The following NPAT variants were observed in gnomAD, a reference collection of about 807,000 sequenced individuals.
NPAT encodes protein NPAT.
In NPAT, 52 loss-of-function variants were observed where a neutral mutation model predicts 130.7. That is an observed-to-expected ratio of 0.40 (90% CI 0.32 to 0.50). The LOEUF is 0.50. NPAT is among the 20% of genes least tolerant of loss of function. The pLI, the probability that NPAT is intolerant of heterozygous loss-of-function variation, is 0.68. For missense variants in NPAT, 1,687 were observed against 1,662.6 expected, an observed-to-expected ratio of 1.01 and a Z score of -0.26; for synonymous variants, 580 against 584.8, an observed-to-expected ratio of 0.99 and a Z score of 0.12.
intron 1 of NPAT, 29 bp downstream of exon 1, chr11:108,222,471 A>T (rs773550815): frequency 1.2e-6 from 2 of 1,612,844 alleles, no homozygotes; most frequent in Non-Finnish European, 1.7e-6. Flanking sequence ...GCCGGGTCCA[A>T]TAACCCTCCA....
intron 10 of NPAT, 22 bp downstream of exon 10, chr11:108,185,210 T>G (rs774172170): frequency 6.5e-7 from 1 of 1,545,730 alleles, no homozygotes; most frequent in Non-Finnish European, 8.9e-7. Context: ...CACGCACCCA[T>G]GCACACCCCA....
At position 108,159,022 on chromosome 11, in the gene NPAT, G is replaced by C. The variant is rs747452167; in HGVS notation, c.4207-3C>G. ...AATGAACTGGGAAGCTTCTTTTTCT[G>C]TTGAAAAAGAGAAAGAAAAAATAAA... On this transcript the variant is annotated splice_polypyrimidine_tract_variant and splice_region_variant and intron_variant, in intron 17 of 17. Transcript: ENST00000278612. The C allele has an allele frequency of 6.3e-7, 1 of 1,595,484 alleles. No homozygotes were observed. The highest frequency in any genetic ancestry group is 8.6e-7 in the Non-Finnish European group (1 of 1,168,714).
chr11:108,220,409 A>G (rs1202553139), intron 1 of NPAT, among the ~76,000 whole-genome samples: 1 of 152,204 alleles, frequency 6.6e-6, no homozygotes, highest in African/African-American at 2.4e-5. Flanking sequence ...GGGGTCCAGA[A>G]AAGTGTTTTT....
At chr11:108,184,309 A>C (rs1363485261) in intron 10 of NPAT, among the ~76,000 whole-genome samples, 1 of 151,846 alleles carries the variant, frequency 6.6e-6, no homozygotes, top group African/African-American at 2.4e-5. Context: ...GTCTCTACTA[A>C]AAATACAAAA....
At chr11:108,205,281 GAC>G (rs2078315162) in intron 1 of NPAT, among the ~76,000 whole-genome samples, 1 of 152,164 alleles carries the variant, frequency 6.6e-6, no homozygotes, top group Admixed American at 6.5e-5. Flanking sequence ...TTCTTTTTGA[GAC>G]AGCGTTTCAC....
chr11:108,169,814 T>TCTATTGCATACAGGTG lies in NPAT; in HGVS notation c.2924_2939dup (p.Arg980SerfsTer6). 1 of 1,614,058 alleles carries TCTATTGCATACAGGTG rather than the reference T, an allele frequency of 6.2e-7. No homozygotes were observed. Among genetic ancestry groups the TCTATTGCATACAGGTG allele is most frequent in the Non-Finnish European group, 8.5e-7 (1 of 1,179,938 alleles). ...GAGGGACGGGGAATTGAGGGATACTTCTATTGCATACAGGTGCTGTCAAAG... is the reference window on the plus strand; with the variant it reads ...GAGGGACGGGGAATTGAGGGATACTTCTATTGCATACAGGTGCTATTGCATACAGGTGCTGTCAAAG... On this transcript the variant is annotated stop_gained and frameshift_variant, in exon 15 of 18. Coordinates refer to ENST00000278612, the MANE Select transcript of NPAT (RefSeq NM_002519.3). LOFTEE classifies it high-confidence loss of function.
At chr11:108,203,037 G>A (rs1591412262) in intron 1 of NPAT, among the ~76,000 whole-genome samples, 1 of 152,056 alleles carries the variant, frequency 6.6e-6, no homozygotes, top group African/African-American at 2.4e-5. Context: ...TTCAGGAAAG[G>A]GAGAAAAGAC....
chr11:108,161,632 G>A lies in NPAT; in HGVS notation c.3454C>T (p.Pro1152Ser), dbSNP rs754809884. ...RETQSEKKVS[P>S]TEIVLESFHK... ...AAAGATTCAAGCACAATTTCTGTTGGTGAAACTTTCTTTTCTGATTGAGTT... is the reference window on the plus strand; with the variant it reads ...AAAGATTCAAGCACAATTTCTGTTGATGAAACTTTCTTTTCTGATTGAGTT... Residue 1152 changes from proline to serine, a missense_variant, in exon 17 of 18, where the codon CCA (proline) becomes TCA (serine). This residue lies in a region of NPAT where 1,379 missense variants were observed against 1,346.6 expected (regional missense o/e 1.02). Transcript: ENST00000278612. The A allele has an allele frequency of 6.8e-6, 11 of 1,614,026 alleles. No individual in the cohort carries two copies. Among genetic ancestry groups the A allele is most frequent in the Middle Eastern group, 1.6e-4 (1 of 6,062 alleles).
chr11:108,185,098 A>G lies in NPAT; in HGVS notation c.906+134T>C. ...AAGAAAAGTTTTATCTTACTATTGT[A>G]AATCATTTTATCTAATTAGATGGCA... On this transcript the variant is annotated intron_variant, in intron 10 of 17. Transcript: ENST00000278612. 8.3e-6 allele frequency: 6 copies of G among 723,532 alleles called. No individual in the cohort carries two copies. In the South Asian group the frequency reaches 9.2e-5, roughly 11 times the overall value. The allele number at this position is 723,532 out of a possible 1,614,324, so 44.8% of individuals were successfully genotyped here.
chr11:108,176,940 C>A, intron 11 of NPAT, 54 bp downstream of exon 11: 1 of 1,186,132 alleles, frequency 8.4e-7, no homozygotes, highest in South Asian at 1.2e-5. Flanking sequence ...GTTAAGTTAC[C>A]AAAGAAATTG....
At chr11:108,177,886 A>G (rs2078024008) in intron 10 of NPAT, among the ~76,000 whole-genome samples, 1 of 151,984 alleles carries the variant, frequency 6.6e-6, no homozygotes, top group Admixed American at 6.6e-5. Context: ...ACATCCAGCT[A>G]GTTTTTATAT....
At chr11:108,168,644 G>A (rs868445459) in intron 15 of NPAT, among the ~76,000 whole-genome samples, 2 of 152,070 alleles carry the variant, frequency 1.3e-5, no homozygotes, top group Non-Finnish European at 1.5e-5. Flanking sequence ...AAATAAAACC[G>A]GAATATCCAC....
chr11:108,219,888 C>T (rs2078467725), intron 1 of NPAT, among the ~76,000 whole-genome samples: 1 of 152,198 alleles, frequency 6.6e-6, no homozygotes, highest in Non-Finnish European at 1.5e-5. Context: ...AAGTACAATG[C>T]TATGGCAACA....
rs145049496 is a variant in NPAT, at chr11:108,176,600, G to C, written c.1004-226C>G. On this transcript the variant is annotated intron_variant, in intron 11 of 17. Coordinates refer to ENST00000278612, the MANE Select transcript of NPAT (RefSeq NM_002519.3). ...ATTTGCATTTTCTAACGAGTTCTCAGATAATGCTGAGATTGTTGGTTTGGG... is the reference window on the plus strand; with the variant it reads ...ATTTGCATTTTCTAACGAGTTCTCACATAATGCTGAGATTGTTGGTTTGGG... 6.4e-3 allele frequency among the ~76,000 whole-genome samples: 973 copies of C among 152,304 alleles called. 8 individuals are homozygous for C. The highest frequency in any genetic ancestry group is 0.021 in the African/African-American group (880 of 41,560).
chr11:108,205,800 T>C (rs1257428543), intron 1 of NPAT, among the ~76,000 whole-genome samples: 1 of 152,174 alleles, frequency 6.6e-6, no homozygotes, highest in East Asian at 1.9e-4. Flanking sequence ...CCCAGCACTT[T>C]GAGAGGTTTA....
rs2078232244 is a variant in NPAT, at chr11:108,197,314, T to C, written c.144A>G (p.Pro48=). ...AEHCTDEGFI[P]ACLLSLFGKN... ...ACAAATAACTCACCAGTAAGCAGGC[T>C]GGAATAAACCCTTCATCTGTACAAT... Residue 48 remains proline (P), a synonymous_variant, in exon 2 of 18, where the codon CCA becomes CCG. Transcript: ENST00000278612. 1 of 1,596,368 alleles carries C rather than the reference T, an allele frequency of 6.3e-7. No individual in the cohort carries two copies. The highest frequency in any genetic ancestry group is 1.1e-5 in the South Asian group (1 of 90,708).
chr11:108,199,062 T>A (rs1052649433), intron 1 of NPAT, among the ~76,000 whole-genome samples: 2 of 152,164 alleles, frequency 1.3e-5, no homozygotes, highest in African/African-American at 4.8e-5. Flanking sequence ...AGGGACGGAA[T>A]GAGCTGTAAC....
intron 13 of NPAT, chr11:108,171,006 T>C (rs546251286): frequency 6.6e-6 from 1 of 151,980 alleles, no homozygotes; most frequent in African/African-American, 2.4e-5. Context: ...AAATGTGCCA[T>C]GAGCACTATC....
chr11:108,222,348 T>G, intron 1 of NPAT, 152 bp downstream of exon 1: 1 of 816,690 alleles, frequency 1.2e-6, no homozygotes, highest in African/African-American at 1.7e-5. Context: ...GCCCAGAACC[T>G]CCGAATGACG....
Sources: gnomAD v4.1 joint callset for allele counts (sites outside exome capture counted in the v4.1 genomes callset) on GRCh38, gnomAD v4.1.1 for gene constraint, gnomAD v4.1.1 regional missense constraint, MANE v1.5 for transcripts, NCBI Gene and HGNC (gene_info 2026-07-23, HGNC 2026-07-21) for gene names.